Variants in TRIM9 observed in about 807,000 individuals in gnomAD.
TRIM9 encodes the protein E3 ubiquitin-protein ligase TRIM9.
Under a neutral mutation model 78.3 loss-of-function variants are expected in TRIM9, and 26 were observed. That is an observed-to-expected ratio of 0.33 (90% CI 0.24 to 0.46). The LOEUF (loss-of-function observed/expected upper bound fraction) is 0.46. Among genes scored for constraint, TRIM9 ranks in the 20% least tolerant of loss-of-function variants. The pLI, the probability that TRIM9 is intolerant of heterozygous loss-of-function variation, is 1.00. For synonymous variants in TRIM9, 398 were observed against 416.5 expected (o/e 0.96, Z 0.54); for missense variants, 787 against 1,036.4 (o/e 0.76, Z 3.30).
Position 51,015,517 on chromosome 14 carries a change from T to C in TRIM9, c.1042-5023A>G, listed in dbSNP as rs540051203. On this transcript the variant is annotated intron_variant, in intron 3 of 12. Transcript: ENST00000684578. ...TTTCTTTACTTTTCTTTTTTTTTTTTTTTTTTTTTTTTTTTTAGATAGGGT... is the reference window on the plus strand; with the variant it reads ...TTTCTTTACTTTTCTTTTTTTTTTTCTTTTTTTTTTTTTTTTAGATAGGGT... Among the ~76,000 whole-genome samples, 6 of 114,656 alleles carry C rather than the reference T, an allele frequency of 5.2e-5. No homozygotes were observed. The South Asian group carries it at 8.7e-4, about 17-fold the overall frequency. The allele number at this position is 114,656 out of a possible 152,430, so 75.2% of individuals were successfully genotyped here. A position where few individuals can be genotyped will look rare whatever the true frequency, so the allele number is the denominator to read the frequency against.
intron 1 of TRIM9, among the ~76,000 whole-genome samples, chr14:51,028,196 T>G (rs568812859): frequency 6.6e-6 from 1 of 152,324 alleles, no homozygotes; most frequent in South Asian, 2.1e-4. Context: ...CTCTTTGTGT[T>G]TATGGTCCGT....
At chr14:50,997,861 G>T in intron 7 of TRIM9, 189 bp downstream of exon 7, 2 of 1,409,446 alleles carry the variant, frequency 1.4e-6, no homozygotes. Context: ...TGGAATCTTT[G>T]GTTTGATCAC....
chr14:51,039,599 C>T (rs1311352005), intron 1 of TRIM9, among the ~76,000 whole-genome samples: 1 of 152,098 alleles, frequency 6.6e-6, no homozygotes, highest in African/African-American at 2.4e-5. Flanking sequence ...AAGGAGGCAC[C>T]AGGTTGACTG....
chr14:51,048,232 G>T lies in TRIM9; in HGVS notation c.823-22872C>A, dbSNP rs1049851672. On this transcript the variant is annotated intron_variant, in intron 1 of 12. Coordinates refer to ENST00000684578, the MANE Select transcript of TRIM9 (RefSeq NM_001387360.1). Reference sequence around the variant, plus strand: ...AAAATTCAGTGCACGGGCAATCTCTGCCTTGTGAATGTCTATCTGTACAGG... The same window carrying T: ...AAAATTCAGTGCACGGGCAATCTCTTCCTTGTGAATGTCTATCTGTACAGG... Among the ~76,000 whole-genome samples, 13 of 152,192 alleles carry T rather than the reference G, an allele frequency of 8.5e-5. 2 individuals are homozygous for T. Among genetic ancestry groups the T allele is most frequent in the African/African-American group, 2.7e-4 (11 of 41,442 alleles).
chr14:51,010,526 C>T (rs762864792), intron 3 of TRIM9, 32 bp from the exon 4 acceptor site: 1 of 1,534,678 alleles, frequency 6.5e-7, no homozygotes, highest in Non-Finnish European at 9.0e-7. Flanking sequence ...CAGAACAGTC[C>T]AAGATGGCAG....
At position 50,982,811 on chromosome 14, in the gene TRIM9, G is replaced by A. The variant is rs898256902; in HGVS notation, c.1858+131C>T. ...ATGATGTCTTTGTACGCATTGTTAC[G>A]CCCCAAGTTCTAAATGCCACCTATA... is the stretch of plus-strand genomic sequence containing the variant. On this transcript the variant is annotated intron_variant, in intron 10 of 12. Transcript: ENST00000684578. The A allele has an allele frequency of 4.1e-5, 34 of 824,742 alleles. 1 individual carries two copies. The highest frequency in any genetic ancestry group is 1.9e-4 in the African/African-American group (11 of 59,082). 51.1% of individuals were successfully genotyped at this position (824,742 alleles called of 1,614,324 possible). A position where few individuals can be genotyped will look rare whatever the true frequency, so the allele number is the denominator to read the frequency against.
intron 6 of TRIM9, among the ~76,000 whole-genome samples, chr14:51,000,366 A>G (rs1383038971): frequency 6.6e-6 from 1 of 152,236 alleles, no homozygotes; most frequent in East Asian, 1.9e-4. Context: ...TTAATAAATG[A>G]GGACCTGAAG....
chr14:51,025,379 A>T lies in TRIM9; in HGVS notation c.823-19T>A. 6.2e-7 allele frequency: 1 copy of T among 1,612,738 alleles called. No individual in the cohort carries two copies. Among genetic ancestry groups the T allele is most frequent in the Non-Finnish European group, 8.5e-7 (1 of 1,178,970 alleles). On this transcript the variant is annotated intron_variant, in intron 1 of 12. Coordinates refer to ENST00000684578, the MANE Select transcript of TRIM9 (RefSeq NM_001387360.1). ...GCTGGCTCTGCAAAGACAAAGAAGGAAGCCATGGAGCTGTAATCACAGGAT... is the reference window on the plus strand; with the variant it reads ...GCTGGCTCTGCAAAGACAAAGAAGGTAGCCATGGAGCTGTAATCACAGGAT...
chr14:51,019,852 T>C (rs2057578293), intron 3 of TRIM9, among the ~76,000 whole-genome samples: 1 of 152,226 alleles, frequency 6.6e-6, no homozygotes, highest in Admixed American at 6.5e-5. Context: ...CCAGCCTCTA[T>C]GACACAGAAC....
intron 1 of TRIM9, among the ~76,000 whole-genome samples, chr14:51,083,895 T>C (rs985558536): frequency 1.8e-4 from 28 of 152,316 alleles, no homozygotes; most frequent in African/African-American, 6.5e-4. Flanking sequence ...AAGCCCTGCC[T>C]TTGTCAAGCT....
chr14:50,979,511 A>G lies in TRIM9; in HGVS notation c.2201T>C (p.Val734Ala). Residue 734 changes from valine (V) to alanine (A), a missense_variant, in exon 12 of 13, where the codon GTC (valine) becomes GCC (alanine). By Grantham distance (64) the Val-to-Ala change is moderately conservative. Transcript: ENST00000684578. ...GTTTTTTCTATTTAAGTCGAGGAGG[A>G]CCCCAATTGTGGCCCCTTTTGTGAT... ...GGITKGATIG[V>A]LLDLNRKNLT... is the part of the protein sequence containing the mutation. 1.2e-6 allele frequency: 2 copies of G among 1,613,956 alleles called. No individual in the cohort carries two copies. Among genetic ancestry groups the G allele is most frequent in the African/African-American group, 1.3e-5 (1 of 74,958 alleles).
At chr14:51,031,367 C>T (rs1218714867) in intron 1 of TRIM9, among the ~76,000 whole-genome samples, 1 of 152,078 alleles carries the variant, frequency 6.6e-6, no homozygotes, top group Non-Finnish European at 1.5e-5. Context: ...AAATTCAAGG[C>T]TGCCAAAAGA....
chr14:51,087,738 C>T (rs142381360), intron 1 of TRIM9, among the ~76,000 whole-genome samples: 6 of 152,306 alleles, frequency 3.9e-5, no homozygotes, highest in Admixed American at 1.3e-4. Context: ...AGTTGTTATG[C>T]TATGTTGTCC....
At chr14:51,062,257 C>T (rs998556219) in intron 1 of TRIM9, among the ~76,000 whole-genome samples, 1 of 152,080 alleles carries the variant, frequency 6.6e-6, no homozygotes, top group Non-Finnish European at 1.5e-5. Flanking sequence ...TTTTGAAATG[C>T]CTGTCTGTCT....
At chr14:51,077,455 C>T (rs1431861092) in intron 1 of TRIM9, among the ~76,000 whole-genome samples, 2 of 139,902 alleles carry the variant, frequency 1.4e-5, no homozygotes, top group African/African-American at 5.4e-5. Flanking sequence ...TGCAGTGGCA[C>T]AATCTCAGCT....
At position 50,976,964 on chromosome 14, in the gene TRIM9, G is replaced by C. The variant is rs535727642; in HGVS notation, c.*327C>G. 11 of 197,684 alleles carry C rather than the reference G, an allele frequency of 5.6e-5. No homozygotes were observed. The highest frequency in any genetic ancestry group is 1.0e-4 in the Non-Finnish European group (10 of 98,046). 12.2% of individuals were successfully genotyped at this position (197,684 alleles called of 1,614,324 possible). A position where few individuals can be genotyped will look rare whatever the true frequency, so the allele number is the denominator to read the frequency against. ...AGTCACCAATAACCTGATCAGAAAA[G>C]AAAGAAAATATAACTCACCTACATA... On this transcript the variant is annotated 3_prime_UTR_variant, in exon 13 of 13. Transcript: ENST00000684578.
chr14:50,997,751 G>A, intron 7 of TRIM9: 1 of 1,323,940 alleles, frequency 7.6e-7, no homozygotes, highest in East Asian at 2.9e-5. Flanking sequence ...TTACACACCA[G>A]GGGCACATTC....
intron 1 of TRIM9, among the ~76,000 whole-genome samples, chr14:51,067,196 T>C (rs1017965585): frequency 1.3e-5 from 2 of 152,232 alleles, no homozygotes; most frequent in African/African-American, 2.4e-5. Context: ...ATTCTTCATC[T>C]TAATACATAG....
chr14:51,072,198 CT>C (rs897533397), intron 1 of TRIM9, among the ~76,000 whole-genome samples: 1 of 151,946 alleles, frequency 6.6e-6, no homozygotes, highest in Non-Finnish European at 1.5e-5. Flanking sequence ...AAATGTATTT[CT>C]TTTTTTTCAT....
Sources: allele counts gnomAD v4.1 joint callset (sites outside exome capture counted in the v4.1 genomes callset), GRCh38; gene constraint gnomAD v4.1.1; transcripts MANE v1.5; gene names NCBI Gene and HGNC (gene_info 2026-07-23, HGNC 2026-07-21).